The following SV2C variants were observed in gnomAD, a reference collection of about 807,000 sequenced individuals.
SV2C encodes synaptic vesicle glycoprotein 2C.
SV2C carries 49 observed loss-of-function variants against 79.7 expected under a neutral mutation model. The ratio of observed to expected loss-of-function variants is 0.61; its 90% confidence interval spans 0.49 to 0.78. SV2C has a LOEUF of 0.78. SV2C is among the 30% of genes least tolerant of loss of function. The probability of loss-of-function intolerance (pLI) is 0.00; values close to 1 mark genes in which losing one functional copy is unlikely to be tolerated. For missense variants in SV2C, 833 were observed against 912.9 expected, an observed-to-expected ratio of 0.91 and a Z score of 1.13; for synonymous variants, 334 against 333.2, an observed-to-expected ratio of 1.00 and a Z score of -0.03.
chr5:76,151,422 T>C (rs1749600875), intron 2 of SV2C, among the ~76,000 whole-genome samples: 1 of 152,158 alleles, frequency 6.6e-6, no homozygotes, highest in South Asian at 2.1e-4. Flanking sequence ...AGTGACATGG[T>C]GAAATGTCAT....
intron 12 of SV2C, among the ~76,000 whole-genome samples, chr5:76,340,321 G>T (rs1749417696): frequency 6.6e-6 from 1 of 152,162 alleles, no homozygotes; most frequent in South Asian, 2.1e-4. Flanking sequence ...TCTTCCTATG[G>T]AGTAGTCATT....
the SV2C span, among the ~76,000 whole-genome samples, chr5:75,906,390 G>A: frequency 2.0e-5 from 3 of 151,012 alleles, no homozygotes; most frequent in African/African-American, 7.3e-5. Context: ...TGCAAAAGTT[G>A]ATCAAGATGT....
chr5:76,071,966 C>G, the SV2C span, among the ~76,000 whole-genome samples: 1 of 152,184 alleles, frequency 6.6e-6, no homozygotes, highest in Non-Finnish European at 1.5e-5. Context: ...TATAAATCAT[C>G]TGGATACAGA....
chr5:75,887,418 A>AG, the SV2C span, among the ~76,000 whole-genome samples: 1 of 151,746 alleles, frequency 6.6e-6, no homozygotes, highest in African/African-American at 2.4e-5. Context: ...TATGAGCTCA[A>AG]CTTTTTTAGA....
At chr5:75,861,248 A>G in the SV2C span, among the ~76,000 whole-genome samples, 1 of 152,232 alleles carries the variant, frequency 6.6e-6, no homozygotes, top group Non-Finnish European at 1.5e-5. Flanking sequence ...ATCATCAGAG[A>G]CATTCAAATA....
the SV2C span, among the ~76,000 whole-genome samples, chr5:75,867,196 T>C: frequency 0.26 from 39,614 of 151,992 alleles, 7,758 homozygotes; most frequent in African/African-American, 0.55. Context: ...GTAGGAAAGC[T>C]GCCTGATGTT....
chr5:75,953,859 T>G, the SV2C span, among the ~76,000 whole-genome samples: 20 of 152,106 alleles, frequency 1.3e-4, 1 homozygote, highest in South Asian at 3.9e-3. Context: ...TTCTCTTTTT[T>G]GTATCACTTC....
the SV2C span, among the ~76,000 whole-genome samples, chr5:75,919,223 G>T: frequency 6.6e-6 from 1 of 152,218 alleles, no homozygotes; most frequent in Non-Finnish European, 1.5e-5. Flanking sequence ...AGATTGTCTA[G>T]AGCAAGAAAG....
chr5:76,124,413 A>G lies in SV2C; in HGVS notation c.-101-7237A>G, dbSNP rs115220150. On this transcript the variant is annotated intron_variant, in intron 1 of 12. Transcript: ENST00000502798. Reference sequence around the variant, plus strand: ...TTTCATTTAGCATAGTATCCTCAAGATTCACCCATATTATAGCATGTTTCA... The same window carrying G: ...TTTCATTTAGCATAGTATCCTCAAGGTTCACCCATATTATAGCATGTTTCA... 6.8e-3 allele frequency among the ~76,000 whole-genome samples: 1,035 copies of G among 152,236 alleles called. 14 individuals carry two copies. Among genetic ancestry groups the G allele is most frequent in the African/African-American group, 0.024 (991 of 41,568 alleles).
chr5:75,960,162 A>G, the SV2C span, among the ~76,000 whole-genome samples: 3 of 152,040 alleles, frequency 2.0e-5, no homozygotes, highest in African/African-American at 7.2e-5. Flanking sequence ...AGAAACTCAG[A>G]GTATTTTCTG....
At chr5:76,144,655 A>G (rs898431555) in intron 2 of SV2C, among the ~76,000 whole-genome samples, 1 of 152,214 alleles carries the variant, frequency 6.6e-6, no homozygotes, top group Non-Finnish European at 1.5e-5. Context: ...AGGAGAAGGG[A>G]TATAAGAAAC....
chr5:76,223,141 T>A (rs1017770499), intron 4 of SV2C, among the ~76,000 whole-genome samples: 1 of 152,094 alleles, frequency 6.6e-6, no homozygotes, highest in Non-Finnish European at 1.5e-5. Context: ...GCCTTCATCA[T>A]TTGCCATGAG....
chr5:76,253,893 T>TATC (rs1430775498), intron 4 of SV2C, among the ~76,000 whole-genome samples: 1 of 152,150 alleles, frequency 6.6e-6, no homozygotes, highest in Non-Finnish European at 1.5e-5. Flanking sequence ...ATTTTCTCCC[T>TATC]ATCATAAGTT....
chr5:76,107,638 C>A (rs543622149), intron 1 of SV2C, among the ~76,000 whole-genome samples: 1 of 151,996 alleles, frequency 6.6e-6, no homozygotes, highest in Non-Finnish European at 1.5e-5. Context: ...CCAAGGCAGG[C>A]GGATCACTTG....
chr5:76,092,076 T>C (rs538134983), intron 1 of SV2C, among the ~76,000 whole-genome samples: 1 of 152,316 alleles, frequency 6.6e-6, no homozygotes, highest in Non-Finnish European at 1.5e-5. Context: ...AATATAAATA[T>C]ACATATTTAG....
At chr5:75,867,311 G>A in the SV2C span, among the ~76,000 whole-genome samples, 1 of 152,162 alleles carries the variant, frequency 6.6e-6, no homozygotes, top group African/African-American at 2.4e-5. Flanking sequence ...TGCAACAGGG[G>A]TCAGAGCCAA....
the SV2C span, among the ~76,000 whole-genome samples, chr5:76,006,334 CTCT>C: frequency 2.6e-5 from 4 of 152,110 alleles, no homozygotes; most frequent in Non-Finnish European, 5.9e-5. Flanking sequence ...TTTGCCCATC[CTCT>C]TCTTTTCCCT....
At chr5:75,929,920 A>G in the SV2C span, among the ~76,000 whole-genome samples, 1 of 152,194 alleles carries the variant, frequency 6.6e-6, no homozygotes, top group Admixed American at 6.5e-5. Context: ...ATACATTTGG[A>G]TAATTATCAG....
At chr5:76,335,758 G>C (rs1270563608), downstream of SV2C, among the ~76,000 whole-genome samples, 2 of 152,136 alleles carry the variant, frequency 1.3e-5, no homozygotes, top group African/African-American at 4.8e-5. Flanking sequence ...AGATCAACAG[G>C]ATCACAAGGC....
Sources: allele counts gnomAD v4.1 joint callset (sites outside exome capture counted in the v4.1 genomes callset), GRCh38; gene constraint gnomAD v4.1.1; transcripts MANE v1.5; gene names NCBI Gene and HGNC (gene_info 2026-07-23, HGNC 2026-07-21).